Variants in RDX observed in about 807,000 individuals in gnomAD.
RDX encodes the protein radixin.
RDX carries 32 observed loss-of-function variants against 83.7 expected under a neutral mutation model. The observed-to-expected ratio is 0.38, with a 90% CI of 0.29 to 0.51. The LOEUF (loss-of-function observed/expected upper bound fraction) is 0.51. RDX is among the 20% of genes least tolerant of loss of function. RDX has a pLI of 0.87. For missense variants in RDX, 600 were observed against 689.9 expected, an observed-to-expected ratio of 0.87 and a Z score of 1.46; for synonymous variants, 229 against 222.7, an observed-to-expected ratio of 1.03 and a Z score of -0.25.
intron 14 of RDX, among the ~76,000 whole-genome samples, chr11:110,220,064 T>C (rs973349981): frequency 6.6e-6 from 1 of 152,188 alleles, no homozygotes; most frequent in African/African-American, 2.4e-5. Context: ...AACTATTTAC[T>C]GCTTAGGAGC....
intron 7 of RDX, among the ~76,000 whole-genome samples, chr11:110,256,245 A>G (rs1281630426): frequency 3.3e-5 from 5 of 152,082 alleles, no homozygotes; most frequent in Non-Finnish European, 5.9e-5. Flanking sequence ...ATTTTTACCT[A>G]TTTATATTCC....
intron 14 of RDX, among the ~76,000 whole-genome samples, chr11:110,212,975 G>A (rs1190696607): frequency 7.2e-6 from 1 of 138,478 alleles, no homozygotes; most frequent in Non-Finnish European, 1.6e-5. Context: ...AGTGTTGGAA[G>A]TTCTGGCCAG....
chr11:110,255,232 T>C (rs550201984), intron 8 of RDX, 57 bp downstream of exon 8: 43 of 907,232 alleles, frequency 4.7e-5, no homozygotes, highest in Middle Eastern at 3.2e-4. Context: ...AGTGATATCA[T>C]GGGAAACTAG....
At chr11:110,281,235 AT>A (rs1860748927) in intron 1 of RDX, among the ~76,000 whole-genome samples, 1 of 152,200 alleles carries the variant, frequency 6.6e-6, no homozygotes, top group African/African-American at 2.4e-5. Flanking sequence ...TAAAAATGAA[AT>A]TTAGGTAAGG....
At chr11:110,271,222 T>A (rs892069611) in intron 3 of RDX, among the ~76,000 whole-genome samples, 1 of 152,218 alleles carries the variant, frequency 6.6e-6, no homozygotes, top group Admixed American at 6.5e-5. Flanking sequence ...TTAGAGAATT[T>A]AGAATTTTTA....
At chr11:110,247,897 T>A in intron 9 of RDX, 64 bp from the exon 10 acceptor site, 1 of 1,507,474 alleles carries the variant, frequency 6.6e-7, no homozygotes, top group South Asian at 1.2e-5. Flanking sequence ...TGTGATGGAA[T>A]ACTACTCTGC....
chr11:110,216,198 G>C (rs1259195033), intron 14 of RDX, among the ~76,000 whole-genome samples: 1 of 152,014 alleles, frequency 6.6e-6, no homozygotes, highest in Non-Finnish European at 1.5e-5. Flanking sequence ...GGGTCACCTG[G>C]CTCTGGACAT....
At chr11:110,277,357 T>C (rs1860562351) in intron 2 of RDX, among the ~76,000 whole-genome samples, 1 of 152,160 alleles carries the variant, frequency 6.6e-6, no homozygotes, top group Non-Finnish European at 1.5e-5. Flanking sequence ...CCTCACTCTG[T>C]CACCCAGGTT....
intron 15 of RDX, among the ~76,000 whole-genome samples, chr11:110,189,670 G>C (rs1863066534): frequency 1.3e-5 from 2 of 152,192 alleles, no homozygotes; most frequent in Non-Finnish European, 2.9e-5. Context: ...TAGAACTACA[G>C]TGGAAGAAAA....
chr11:110,242,338 G>T (rs1040904781), intron 10 of RDX, among the ~76,000 whole-genome samples: 1 of 151,426 alleles, frequency 6.6e-6, no homozygotes, highest in Non-Finnish European at 1.5e-5. Context: ...CTGTAATTAG[G>T]CAGGAGAATC....
chr11:110,188,861 T>C (rs138446900), intron 15 of RDX, among the ~76,000 whole-genome samples: 48 of 152,044 alleles, frequency 3.2e-4, no homozygotes, highest in African/African-American at 1.0e-3. Flanking sequence ...GTTCTAAACA[T>C]GGAAATGAAA....
chr11:110,250,890 T>A (rs1859308138), intron 9 of RDX, among the ~76,000 whole-genome samples: 1 of 152,198 alleles, frequency 6.6e-6, no homozygotes, highest in Non-Finnish European at 1.5e-5. Flanking sequence ...CTTCAGCCCT[T>A]TACATTACTC....
intron 14 of RDX, among the ~76,000 whole-genome samples, chr11:110,223,825 G>A (rs1023994449): frequency 3.3e-5 from 5 of 152,068 alleles, no homozygotes; most frequent in Non-Finnish European, 5.9e-5. Flanking sequence ...CAGCACTTTC[G>A]GAGGCCGAGG....
chr11:110,209,684 A>AC (rs1480009642), intron 14 of RDX, among the ~76,000 whole-genome samples: 4 of 146,724 alleles, frequency 2.7e-5, no homozygotes, highest in Non-Finnish European at 6.1e-5. Context: ...CTGACCCCTG[A>AC]CCCCCGAGCA....
At chr11:110,267,567 A>C (rs201110156) in intron 3 of RDX, among the ~76,000 whole-genome samples, 34 of 111,056 alleles carry the variant, frequency 3.1e-4, no homozygotes, top group East Asian at 1.3e-3. Context: ...CACACACACA[A>C]ATAATCTTAA....
At chr11:110,277,257 A>G (rs1393786863) in intron 2 of RDX, among the ~76,000 whole-genome samples, 1 of 146,548 alleles carries the variant, frequency 6.8e-6, no homozygotes, top group Admixed American at 6.8e-5. Context: ...AAATACAATA[A>G]AGTCGCAGCT....
intron 14 of RDX, among the ~76,000 whole-genome samples, chr11:110,212,301 T>G (rs1863866759): frequency 6.6e-6 from 1 of 151,120 alleles, no homozygotes; most frequent in Non-Finnish European, 1.5e-5. Context: ...GTTGAATCTC[T>G]GAATAGACCA....
intron 3 of RDX, among the ~76,000 whole-genome samples, chr11:110,266,764 T>C (rs1359485893): frequency 6.6e-6 from 1 of 152,090 alleles, no homozygotes; most frequent in Non-Finnish European, 1.5e-5. Context: ...TTGTTTTGTT[T>C]TCTGTAGAGG....
At chr11:110,215,049 A>AATAT (rs572205859) in intron 14 of RDX, among the ~76,000 whole-genome samples, 96 of 97,220 alleles carry the variant, frequency 9.9e-4, no homozygotes, top group Admixed American at 7.9e-3. Flanking sequence ...AAAAAAAAAA[A>AATAT]ATATATATAT....
Sources: allele counts gnomAD v4.1 joint callset (sites outside exome capture counted in the v4.1 genomes callset), GRCh38; gene constraint gnomAD v4.1.1; transcripts MANE v1.5; gene names NCBI Gene and HGNC (gene_info 2026-07-23, HGNC 2026-07-21).